Variants in ITPR2 observed in about 807,000 individuals in gnomAD.
The protein encoded by ITPR2 is inositol 1,4,5-trisphosphate receptor type 2.
In ITPR2, 207 loss-of-function variants were observed where a neutral mutation model predicts 317.1. The observed-to-expected ratio is 0.65, with a 90% CI of 0.58 to 0.73. The LOEUF (loss-of-function observed/expected upper bound fraction) is 0.73. Ranked by LOEUF, ITPR2 falls within the 30% of genes least tolerant of loss-of-function variation. The probability of loss-of-function intolerance (pLI) is 0.00; values close to 1 mark genes in which losing one functional copy is unlikely to be tolerated. For synonymous variants in ITPR2, 1,156 were observed against 1,149.1 expected (o/e 1.01, Z -0.12); for missense variants, 2,613 against 3,284.0 (o/e 0.80, Z 4.99).
At position 26,725,777 on chromosome 12, in the gene ITPR2, CA is replaced by C; in HGVS notation, c.164-13del. ...CTTGAAAAGGCAGTCTGTGACAAAC[CA>C]ACATACAAAAACACTGTAACTAAGG... is the stretch of plus-strand genomic sequence containing the variant. On this transcript the variant is annotated splice_polypyrimidine_tract_variant and intron_variant, in intron 2 of 56. Transcript: ENST00000381340. 3 of 1,558,624 alleles carry C rather than the reference CA, an allele frequency of 1.9e-6. No individual in the cohort carries two copies. The highest frequency in any genetic ancestry group is 2.7e-6 in the Non-Finnish European group (3 of 1,130,416).
intron 37 of ITPR2, among the ~76,000 whole-genome samples, chr12:26,522,209 C>T (rs1401460388): frequency 6.6e-6 from 1 of 152,060 alleles, no homozygotes; most frequent in East Asian, 1.9e-4. Flanking sequence ...TGATTTAATT[C>T]CCTGAAGATT....
chr12:26,408,240 C>A (rs865999093), intron 52 of ITPR2, among the ~76,000 whole-genome samples: 15 of 152,262 alleles, frequency 9.9e-5, no homozygotes, highest in Admixed American at 4.6e-4. Context: ...AGAGGCTCAA[C>A]AAATATAACT....
In ITPR2 at chr12:26,685,163, T is replaced by C. The variant is rs574543607; in HGVS notation, c.1148+1318A>G. On this transcript the variant is annotated intron_variant, in intron 11 of 56. Coordinates refer to ENST00000381340, the MANE Select transcript of ITPR2 (RefSeq NM_002223.4). ...TGCCATCTGCCAAGGCCAAGCACAA[T>C]ACTGCTCCATCAAGGCCAATTTAGA... 3.3e-5 allele frequency among the ~76,000 whole-genome samples: 5 copies of C among 152,292 alleles called. No individual in the cohort carries two copies. The East Asian group carries it at 9.6e-4, about 29-fold the overall frequency.
Position 26,537,764 on chromosome 12 carries a change from A to T in ITPR2, c.5073+12483T>A, listed in dbSNP as rs564064580. 6.2e-4 allele frequency among the ~76,000 whole-genome samples: 94 copies of T among 152,330 alleles called. 3 individuals carry two copies. The South Asian group carries it at 0.015, about 24-fold the overall frequency. On this transcript the variant is annotated intron_variant, in intron 37 of 56. Coordinates refer to ENST00000381340, the MANE Select transcript of ITPR2 (RefSeq NM_002223.4). ...ATATAGTCTATATTGAGTTTTAATTAAAAACCCAGCCAAAAGCCAGCGATA... is the reference window on the plus strand; with the variant it reads ...ATATAGTCTATATTGAGTTTTAATTTAAAACCCAGCCAAAAGCCAGCGATA...
intron 28 of ITPR2, among the ~76,000 whole-genome samples, chr12:26,601,904 T>C (rs529141998): frequency 1.2e-4 from 18 of 152,330 alleles, no homozygotes; most frequent in African/African-American, 4.3e-4. Flanking sequence ...GTTATGTCCC[T>C]GCCAAAGATG....
chr12:26,538,858 A>C (rs1944177955), intron 37 of ITPR2, among the ~76,000 whole-genome samples: 1 of 152,186 alleles, frequency 6.6e-6, no homozygotes, highest in Non-Finnish European at 1.5e-5. Context: ...TACAGGCGTG[A>C]GCCACTGCGC....
chr12:26,438,266 A>G (rs770162496), intron 47 of ITPR2, among the ~76,000 whole-genome samples: 1 of 152,198 alleles, frequency 6.6e-6, no homozygotes, highest in Non-Finnish European at 1.5e-5. Context: ...CTGAAAATGC[A>G]TACCACACCC....
chr12:26,650,279 T>C (rs1333474548), intron 21 of ITPR2, among the ~76,000 whole-genome samples: 1 of 152,040 alleles, frequency 6.6e-6, no homozygotes, highest in Non-Finnish European at 1.5e-5. Flanking sequence ...TGCCAGGGGA[T>C]GGTGAGGAGG....
At position 26,457,719 on chromosome 12, in the gene ITPR2, A is replaced by G. The variant is rs369788675; in HGVS notation, c.6343-14069T>C. ...TAGAGGGTGGGACTGTACAGTGGTT[A>G]GCATCACGGACTCTGGACAGACCTG... On this transcript the variant is annotated intron_variant, in intron 45 of 56. Coordinates refer to ENST00000381340, the MANE Select transcript of ITPR2 (RefSeq NM_002223.4). Among the ~76,000 whole-genome samples the G allele has an allele frequency of 4.1e-4, 62 of 152,322 alleles. 1 individual carries two copies. The highest frequency in any genetic ancestry group is 3.9e-3 in the East Asian group (20 of 5,186).
intron 1 of ITPR2, among the ~76,000 whole-genome samples, chr12:26,794,913 C>G (rs553677412): frequency 1.6e-4 from 25 of 152,348 alleles, no homozygotes; most frequent in Middle Eastern, 3.4e-3. Context: ...TACATATCCA[C>G]ATACTCTGCT....
chr12:26,624,154 G>C, intron 24 of ITPR2, 145 bp downstream of exon 24: 1 of 588,370 alleles, frequency 1.7e-6, no homozygotes, highest in Non-Finnish European at 3.0e-6. Context: ...TAAATTAGCA[G>C]CTTCATTTCT....
rs1482993709 is a variant in ITPR2 at position 26,486,321 on chromosome 12, C to T, written c.5594G>A (p.Gly1865Glu). 2 of 1,612,758 alleles carry T rather than the reference C, an allele frequency of 1.2e-6. No individual in the cohort carries two copies. The highest frequency in any genetic ancestry group is 1.1e-5 in the South Asian group (1 of 91,046). The change falls in exon 41 of 57, where the codon GGG (glycine) becomes GAG (glutamate). Residue 1865 changes from glycine (G) to glutamate (E), a missense_variant. Physicochemically the swap from Gly to Glu is moderately conservative, Grantham distance 98. Coordinates refer to ENST00000381340, the MANE Select transcript of ITPR2 (RefSeq NM_002223.4). Reference sequence around the variant, plus strand: ...TGCTGAAGAAGCTTCTGTTAATTGCCCTTTCATTCCCTCTTTTAAATGTAG... The same window carrying T: ...TGCTGAAGAAGCTTCTGTTAATTGCTCTTTCATTCCCTCTTTTAAATGTAG... The part of the protein sequence containing the change: ...STLHLKEGMK[G>E]QLTEASSATS...
intron 21 of ITPR2, among the ~76,000 whole-genome samples, chr12:26,635,003 AG>A: frequency 6.6e-6 from 1 of 152,250 alleles, no homozygotes; most frequent in Admixed American, 6.5e-5. Context: ...AATTCCCTCA[AG>A]AAAAAAAATC....
At chr12:26,702,876 T>C (rs1948475565) in intron 9 of ITPR2, among the ~76,000 whole-genome samples, 1 of 150,880 alleles carries the variant, frequency 6.6e-6, no homozygotes, top group Admixed American at 6.7e-5. Context: ...ATTATCCTAG[T>C]TCCTAGGTGT....
At chr12:26,826,628 G>A (rs76570157) in intron 1 of ITPR2, among the ~76,000 whole-genome samples, 373 of 152,220 alleles carry the variant, frequency 2.5e-3, no homozygotes, top group African/African-American at 8.2e-3. Context: ...TGAAGTCAGC[G>A]CATCAATTGG....
At chr12:26,732,814 A>T (rs909942457) in intron 2 of ITPR2, among the ~76,000 whole-genome samples, 17 of 152,102 alleles carry the variant, frequency 1.1e-4, no homozygotes, top group Non-Finnish European at 1.8e-4. Context: ...AACAAATCTA[A>T]TCTGGCTTCT....
intron 15 of ITPR2, among the ~76,000 whole-genome samples, chr12:26,661,948 A>C (rs1947514537): frequency 6.6e-6 from 1 of 152,214 alleles, no homozygotes; most frequent in Admixed American, 6.5e-5. Flanking sequence ...ATCTTAAAGG[A>C]ACCCAATGAA....
At chr12:26,408,661 G>C (rs1445847902) in intron 52 of ITPR2, among the ~76,000 whole-genome samples, 1 of 152,156 alleles carries the variant, frequency 6.6e-6, no homozygotes, top group East Asian at 1.9e-4. Context: ...CACTGAGTCA[G>C]CCCTCTTTGT....
chr12:26,379,652 GCCT>G (rs1407871067), intron 55 of ITPR2, among the ~76,000 whole-genome samples: 5 of 151,944 alleles, frequency 3.3e-5, no homozygotes, highest in African/African-American at 1.2e-4. Context: ...TCCCCACCAC[GCCT>G]CCTCTGCATG....
Sources: allele counts gnomAD v4.1 joint callset (sites outside exome capture counted in the v4.1 genomes callset), GRCh38; gene constraint gnomAD v4.1.1; transcripts MANE v1.5; gene names NCBI Gene and HGNC (gene_info 2026-07-23, HGNC 2026-07-21).